PCDH15: variants seen among roughly 807,000 people sequenced by gnomAD.
The protein encoded by PCDH15 is protocadherin-15.
PCDH15 carries 129 observed loss-of-function variants against 178.5 expected under a neutral mutation model. The observed-to-expected ratio is 0.72, with a 90% CI of 0.63 to 0.84. The LOEUF is 0.84. Ranked by LOEUF, PCDH15 falls within the 40% of genes least tolerant of loss-of-function variation. The pLI, the probability that PCDH15 is intolerant of heterozygous loss-of-function variation, is 0.00. For missense variants in PCDH15, 2,230 were observed against 2,099.9 expected (o/e 1.06, Z -1.21); for synonymous variants, 800 against 732.0 (o/e 1.09, Z -1.50).
intron 1 of PCDH15, among the ~76,000 whole-genome samples, chr10:54,729,084 T>C (rs925172799): frequency 2.0e-5 from 3 of 151,364 alleles, no homozygotes; most frequent in African/African-American, 7.3e-5. Flanking sequence ...AAAATTTACA[T>C]GAAACCAAAA....
At chr10:55,525,675 T>C (rs1421947185) in intron 2 of PCDH15, among the ~76,000 whole-genome samples, 1 of 151,922 alleles carries the variant, frequency 6.6e-6, no homozygotes, top group Non-Finnish European at 1.5e-5. Context: ...AACCCAAAGA[T>C]ATATAAACTT....
chr10:53,825,204 T>C (rs1386927378), intron 32 of PCDH15: 3 of 1,497,126 alleles, frequency 2.0e-6, no homozygotes, highest in Admixed American at 4.8e-5. Flanking sequence ...TTTACTAGAG[T>C]TAATTTAAAA....
intron 2 of PCDH15, among the ~76,000 whole-genome samples, chr10:55,386,623 A>G (rs1389814834): frequency 6.6e-6 from 1 of 152,068 alleles, no homozygotes; most frequent in African/African-American, 2.4e-5. Context: ...ATCGAAGGGC[A>G]ATTCTGAAAT....
At chr10:54,888,225 C>G (rs777340606) in intron 3 of PCDH15, among the ~76,000 whole-genome samples, 3 of 152,102 alleles carry the variant, frequency 2.0e-5, no homozygotes, top group Non-Finnish European at 4.4e-5. Context: ...CAGACATTCA[C>G]TAATCTCCTT....
At chr10:54,755,009 C>T (rs1946880702) in intron 1 of PCDH15, among the ~76,000 whole-genome samples, 1 of 130,950 alleles carries the variant, frequency 7.6e-6, no homozygotes, top group East Asian at 2.3e-4. Flanking sequence ...AGTGCAATGG[C>T]ACGATCTTGG....
intron 3 of PCDH15, among the ~76,000 whole-genome samples, chr10:54,452,829 CAT>C (rs1183061146): frequency 1.3e-5 from 2 of 151,998 alleles, no homozygotes; most frequent in Admixed American, 6.6e-5. Context: ...TTTTTTGAGT[CAT>C]GTGTAAATAA....
At chr10:55,530,696 TTG>T (rs1166123921) in intron 2 of PCDH15, among the ~76,000 whole-genome samples, 2 of 152,034 alleles carry the variant, frequency 1.3e-5, no homozygotes, top group Non-Finnish European at 2.9e-5. Flanking sequence ...TGGTTTATTT[TTG>T]TCTTTTGGGG....
upstream of PCDH15, among the ~76,000 whole-genome samples, chr10:55,321,152 A>G (rs987932703): frequency 1.3e-4 from 20 of 152,070 alleles, no homozygotes; most frequent in African/African-American, 4.1e-4. Context: ...AGGAAAAGAA[A>G]AAGAAACTAC....
chr10:55,345,207 G>GA (rs1381745666), intron 2 of PCDH15, among the ~76,000 whole-genome samples: 3 of 150,160 alleles, frequency 2.0e-5, no homozygotes, highest in African/African-American at 7.4e-5. Context: ...ACTTATTTTT[G>GA]ATTAAAAAAG....
At chr10:55,270,027 G>A (rs1842399870) in intron 1 of PCDH15, among the ~76,000 whole-genome samples, 1 of 152,142 alleles carries the variant, frequency 6.6e-6, no homozygotes, top group South Asian at 2.1e-4. Flanking sequence ...AACAAGCAAT[G>A]AGGAAAGGAA....
chr10:55,371,637 A>G (rs1845511449), intron 2 of PCDH15, among the ~76,000 whole-genome samples: 1 of 152,032 alleles, frequency 6.6e-6, no homozygotes, highest in Non-Finnish European at 1.5e-5. Context: ...CTCCCATGGT[A>G]AAGACATGCT....
At chr10:55,600,391 C>G (rs922913359) in intron 2 of PCDH15, among the ~76,000 whole-genome samples, 3 of 151,686 alleles carry the variant, frequency 2.0e-5, no homozygotes, top group Non-Finnish European at 2.9e-5. Context: ...GTTGGGGTGA[C>G]CTTGGAGCAT....
intron 2 of PCDH15, among the ~76,000 whole-genome samples, chr10:55,444,648 A>T (rs1839275364): frequency 6.6e-6 from 1 of 152,188 alleles, no homozygotes. Flanking sequence ...TTTATTAGAA[A>T]TTAGAATCTC....
intron 2 of PCDH15, among the ~76,000 whole-genome samples, chr10:55,031,381 G>A (rs1002784935): frequency 1.3e-5 from 2 of 152,142 alleles, no homozygotes; most frequent in East Asian, 1.9e-4. Context: ...AAGACAATCA[G>A]TAATAAAATT....
chr10:54,964,497 C>T (rs992883888), intron 2 of PCDH15, among the ~76,000 whole-genome samples: 1 of 152,014 alleles, frequency 6.6e-6, no homozygotes, highest in African/African-American at 2.4e-5. Flanking sequence ...TTCTGTGATC[C>T]CTCTGATCTC....
At chr10:53,832,526 T>A (rs1371411537) in intron 29 of PCDH15, among the ~76,000 whole-genome samples, 4 of 151,912 alleles carry the variant, frequency 2.6e-5, no homozygotes, top group Non-Finnish European at 5.9e-5. Context: ...AGTCCCATGA[T>A]CTACAGACAG....
At chr10:54,576,352 T>A (rs1455392625) in intron 2 of PCDH15, among the ~76,000 whole-genome samples, 2 of 152,174 alleles carry the variant, frequency 1.3e-5, no homozygotes, top group Non-Finnish European at 2.9e-5. Context: ...GAAATAAATA[T>A]TAAGTCAGAA....
chr10:54,167,252 A>C (rs1289512654), intron 13 of PCDH15, among the ~76,000 whole-genome samples: 2 of 152,098 alleles, frequency 1.3e-5, no homozygotes, highest in African/African-American at 4.8e-5. Flanking sequence ...AGCCCAAGGA[A>C]CATCTCACCA....
At chr10:54,172,308 C>T (rs1168957183) in intron 13 of PCDH15, among the ~76,000 whole-genome samples, 1 of 152,034 alleles carries the variant, frequency 6.6e-6, no homozygotes, top group Non-Finnish European at 1.5e-5. Context: ...CTTGCGACCC[C>T]CGACTCCTGC....
Sources: gnomAD v4.1 joint callset for allele counts (sites outside exome capture counted in the v4.1 genomes callset) on GRCh38, gnomAD v4.1.1 for gene constraint, MANE v1.5 for transcripts, NCBI Gene and HGNC (gene_info 2026-07-23, HGNC 2026-07-21) for gene names.